Variants in TOX observed in about 807,000 individuals in gnomAD.
TOX encodes the protein thymocyte selection associated high mobility group box.
A neutral mutation model predicts 53.7 loss-of-function variants in TOX; 11 were observed. The observed-to-expected ratio is 0.20, with a 90% CI of 0.13 to 0.34. The LOEUF is 0.34. TOX is among the 10% of genes least tolerant of loss of function. TOX has a pLI of 1.00. For synonymous variants in TOX, 225 were observed against 245.3 expected, an observed-to-expected ratio of 0.92 and a Z score of 0.77; for missense variants, 570 against 664.6, an observed-to-expected ratio of 0.86 and a Z score of 1.56.
chr8:58,837,499 T>C (rs891656627), intron 5 of TOX, among the ~76,000 whole-genome samples: 2 of 152,170 alleles, frequency 1.3e-5, no homozygotes, highest in Admixed American at 1.3e-4. Context: ...TGGCCTTCCC[T>C]GAGCATGGTC....
intron 2 of TOX, among the ~76,000 whole-genome samples, chr8:58,942,355 T>C (rs1812457088): frequency 6.6e-6 from 1 of 152,226 alleles, no homozygotes; most frequent in African/African-American, 2.4e-5. Context: ...TACACATTAA[T>C]GTATTTAATT....
intron 7 of TOX, among the ~76,000 whole-genome samples, chr8:58,814,724 G>A (rs1207517788): frequency 2.0e-5 from 3 of 152,150 alleles, no homozygotes; most frequent in Non-Finnish European, 4.4e-5. Context: ...CACACAAATG[G>A]TTTCAATAAT....
At chr8:59,010,906 G>A (rs1054620532) in intron 1 of TOX, among the ~76,000 whole-genome samples, 10 of 152,148 alleles carry the variant, frequency 6.6e-5, no homozygotes, top group South Asian at 6.2e-4. Flanking sequence ...CAGGTTGCCC[G>A]GTATGTGTGC....
chr8:58,823,803 G>C (rs1472402357), intron 6 of TOX, among the ~76,000 whole-genome samples: 1 of 152,182 alleles, frequency 6.6e-6, no homozygotes, highest in East Asian at 1.9e-4. Flanking sequence ...ATGGCCTAGG[G>C]GCGAAGAGGG....
At chr8:59,046,980 A>G (rs1033209469) in intron 1 of TOX, among the ~76,000 whole-genome samples, 9 of 151,968 alleles carry the variant, frequency 5.9e-5, no homozygotes, top group Non-Finnish European at 5.9e-5. Flanking sequence ...TAAAAACTGC[A>G]TATGCAAAGC....
intron 3 of TOX, among the ~76,000 whole-genome samples, chr8:58,871,672 A>C (rs1387897508): frequency 6.6e-6 from 1 of 152,160 alleles, no homozygotes; most frequent in East Asian, 1.9e-4. Context: ...TCCATGGCAG[A>C]TGGTGGAATG....
At chr8:59,063,672 T>G (rs1804033808) in intron 1 of TOX, among the ~76,000 whole-genome samples, 1 of 152,076 alleles carries the variant, frequency 6.6e-6, no homozygotes, top group African/African-American at 2.4e-5. Context: ...TCCACCCGCC[T>G]CGGCCTCTTA....
chr8:59,005,750 T>C (rs540607425), intron 1 of TOX, among the ~76,000 whole-genome samples: 2 of 152,356 alleles, frequency 1.3e-5, no homozygotes, highest in South Asian at 4.1e-4. Flanking sequence ...TTCTTGGAAC[T>C]GAAACACAGT....
intron 1 of TOX, among the ~76,000 whole-genome samples, chr8:59,101,764 GA>G (rs1804810177): frequency 6.6e-6 from 1 of 152,148 alleles, no homozygotes; most frequent in Admixed American, 6.5e-5. Flanking sequence ...CTAAAATGAG[GA>G]AAAGGGGGAA....
At chr8:59,042,470 T>A (rs1803608946) in intron 1 of TOX, among the ~76,000 whole-genome samples, 1 of 152,234 alleles carries the variant, frequency 6.6e-6, no homozygotes, top group African/African-American at 2.4e-5. Flanking sequence ...GAGGAACAAC[T>A]GAGAATAATT....
At chr8:58,884,307 C>T (rs1279286937) in intron 3 of TOX, among the ~76,000 whole-genome samples, 1 of 152,046 alleles carries the variant, frequency 6.6e-6, no homozygotes, top group Admixed American at 6.6e-5. Flanking sequence ...GATTTTTCCG[C>T]CAAATGGAAG....
At chr8:59,073,449 G>A (rs944188593) in intron 1 of TOX, among the ~76,000 whole-genome samples, 13 of 152,160 alleles carry the variant, frequency 8.5e-5, no homozygotes, top group African/African-American at 2.9e-4. Flanking sequence ...GAAATGCGTT[G>A]CTTGAAACCA....
chr8:58,966,815 T>C (rs1359066540), intron 1 of TOX, among the ~76,000 whole-genome samples: 3 of 152,132 alleles, frequency 2.0e-5, no homozygotes, highest in Admixed American at 2.0e-4. Flanking sequence ...TTTTTCATTG[T>C]TGTGTTTTTG....
At chr8:59,109,149 A>C (rs954694146) in intron 1 of TOX, among the ~76,000 whole-genome samples, 2 of 152,128 alleles carry the variant, frequency 1.3e-5, no homozygotes, top group Admixed American at 6.6e-5. Context: ...GGTTATTGAA[A>C]AGTTGTTTTT....
At chr8:59,027,366 C>T (rs1376981537) in intron 1 of TOX, among the ~76,000 whole-genome samples, 6 of 151,998 alleles carry the variant, frequency 3.9e-5, no homozygotes, top group South Asian at 2.1e-4. Flanking sequence ...GTGTGATCTT[C>T]GAGATTTGCA....
At chr8:58,913,040 G>A (rs567148232) in intron 3 of TOX, among the ~76,000 whole-genome samples, 2 of 152,300 alleles carry the variant, frequency 1.3e-5, no homozygotes, top group African/African-American at 2.4e-5. Context: ...GGTTCTCTAC[G>A]AACTGGCCCC....
chr8:59,029,897 A>G (rs561983385), intron 1 of TOX, among the ~76,000 whole-genome samples: 2 of 152,250 alleles, frequency 1.3e-5, no homozygotes, highest in South Asian at 4.1e-4. Flanking sequence ...TCCCTCACAC[A>G]ATGCCTTATT....
intron 3 of TOX, among the ~76,000 whole-genome samples, chr8:58,875,036 A>T (rs1200347062): frequency 6.6e-6 from 1 of 152,238 alleles, no homozygotes; most frequent in Non-Finnish European, 1.5e-5. Flanking sequence ...CAGGAGGAAG[A>T]TTCCTGCATT....
intron 1 of TOX, among the ~76,000 whole-genome samples, chr8:58,996,977 G>C (rs1435594347): frequency 6.6e-6 from 1 of 152,148 alleles, no homozygotes; most frequent in Non-Finnish European, 1.5e-5. Context: ...TGTTGTGGTT[G>C]ATTTCCTACC....
Sources: allele counts gnomAD v4.1 joint callset (sites outside exome capture counted in the v4.1 genomes callset), GRCh38; gene constraint gnomAD v4.1.1; transcripts MANE v1.5; gene names NCBI Gene and HGNC (gene_info 2026-07-23, HGNC 2026-07-21).